Variants in TTC3 observed in about 807,000 individuals in gnomAD.
TTC3 encodes the protein tetratricopeptide repeat domain 3, also known as E3 ubiquitin-protein ligase TTC3.
A neutral mutation model predicts 249.6 loss-of-function variants in TTC3; 180 were observed. That is an observed-to-expected ratio of 0.72 (90% CI 0.64 to 0.82). The LOEUF (loss-of-function observed/expected upper bound fraction) is 0.82. Ranked by LOEUF, TTC3 falls within the 40% of genes least tolerant of loss-of-function variation. The pLI, the probability that TTC3 is intolerant of heterozygous loss-of-function variation, is 0.00. For missense variants in TTC3, 2,061 were observed against 2,398.4 expected (o/e 0.86, Z 2.94); for synonymous variants, 717 against 805.0 (o/e 0.89, Z 1.85).
rs929691928 is a variant in TTC3 at position 37,156,959 on chromosome 21, A to T, written c.2992+53A>T. The T allele has an allele frequency of 3.2e-6, 5 of 1,572,110 alleles. No individual in the cohort carries two copies. The Admixed American group carries it at 5.4e-5, about 17-fold the overall frequency. On this transcript the variant is annotated intron_variant, in intron 28 of 45. Coordinates refer to ENST00000355666, the Ensembl canonical transcript of TTC3. ...TACATTTAATCTTAAGGGGGAAAAA[A>T]TCTGTGAAGGACCTAGCTTGTTTAA...
chr21:37,088,605 C>T (rs946787030), intron 4 of TTC3, among the ~76,000 whole-genome samples, 194 bp from the exon 5 acceptor site: 1 of 152,070 alleles, frequency 6.6e-6, no homozygotes, highest in Non-Finnish European at 1.5e-5. Context: ...TTATAAGTAT[C>T]AGTGTTATAG....
At chr21:37,082,818 T>C (rs2071886824) in intron 1 of TTC3, 1 of 968,934 alleles carries the variant, frequency 1.0e-6, no homozygotes, top group Non-Finnish European at 1.2e-6. Context: ...TTTATTTTAA[T>C]ATTTAATTTT....
rs752680168 is a variant in TTC3, at chr21:37,160,793, A to T, written c.3040-9A>T. 1.2e-6 allele frequency: 2 copies of T among 1,612,290 alleles called. No homozygotes were observed. The highest frequency in any genetic ancestry group is 4.5e-5 in the East Asian group (2 of 44,672). Reference sequence around the variant, plus strand: ...TGAGTGTTCACTGATTTTTCCCCCCATTTTTTAGTTTAGTTCAACCAAGGT... The same window carrying T: ...TGAGTGTTCACTGATTTTTCCCCCCTTTTTTTAGTTTAGTTCAACCAAGGT... On this transcript the variant is annotated splice_polypyrimidine_tract_variant and intron_variant, in intron 29 of 45. Transcript: ENST00000355666.
chr21:37,127,963 A>G (rs2147899298), intron 15 of TTC3, among the ~76,000 whole-genome samples: 1 of 152,352 alleles, frequency 6.6e-6, no homozygotes, highest in East Asian at 1.9e-4. Flanking sequence ...TAATTTCTTC[A>G]TATTTCTCAG....
At chr21:37,162,061 T>C in exon 31 of TTC3, 1 of 1,538,508 alleles carries the variant, frequency 6.5e-7, no homozygotes, top group Non-Finnish European at 8.8e-7. Flanking sequence ...GTGAAGACCA[T>C]AGGTAAGTAT....
chr21:37,117,342 A>C (rs2076220754), intron 11 of TTC3, among the ~76,000 whole-genome samples: 1 of 152,286 alleles, frequency 6.6e-6, no homozygotes, highest in South Asian at 2.1e-4. Context: ...GTGTCATTGC[A>C]AATAAAAGAC....
intron 8 of TTC3, among the ~76,000 whole-genome samples, chr21:37,095,021 A>G (rs1283181327): frequency 6.6e-6 from 1 of 151,986 alleles, no homozygotes; most frequent in African/African-American, 2.4e-5. Context: ...TTGTAGTCCT[A>G]GCTACTTGGG....
intron 35 of TTC3, among the ~76,000 whole-genome samples, chr21:37,180,816 A>C (rs914923382): frequency 3.9e-5 from 6 of 151,940 alleles, no homozygotes; most frequent in Admixed American, 2.6e-4. Flanking sequence ...TTTCAGTAAG[A>C]ATGAAACAAT....
intron 34 of TTC3, among the ~76,000 whole-genome samples, chr21:37,168,389 G>A (rs940955489): frequency 2.6e-5 from 4 of 151,984 alleles, no homozygotes; most frequent in African/African-American, 9.7e-5. Flanking sequence ...AATCCAAAAT[G>A]ATCAACTGAA....
chr21:37,140,597 A>G (rs2078353331), exon 20 of TTC3: 1 of 1,603,700 alleles, frequency 6.2e-7, no homozygotes, highest in South Asian at 1.1e-5. Context: ...TAAGAGGATT[A>G]TTGAACACTA....
chr21:37,143,196 C>G (rs2078656565), intron 20 of TTC3, among the ~76,000 whole-genome samples: 1 of 152,182 alleles, frequency 6.6e-6, no homozygotes, highest in Non-Finnish European at 1.5e-5. Flanking sequence ...GTAAGGACTT[C>G]ATGTCTAAAA....
chr21:37,089,154 A>T (rs143961348), intron 5 of TTC3, among the ~76,000 whole-genome samples: 1 of 152,148 alleles, frequency 6.6e-6, no homozygotes, highest in African/African-American at 2.4e-5. Flanking sequence ...AAAGTGGGGT[A>T]TGGGTTCATG....
At chr21:37,137,843 C>A (rs1310900903) in intron 18 of TTC3, among the ~76,000 whole-genome samples, 1 of 152,126 alleles carries the variant, frequency 6.6e-6, no homozygotes, top group East Asian at 1.9e-4. Context: ...TTTTCAGGAA[C>A]TACCACCCTG....
chr21:37,099,893 T>C (rs2074309006), intron 10 of TTC3, among the ~76,000 whole-genome samples: 1 of 152,174 alleles, frequency 6.6e-6, no homozygotes, highest in Admixed American at 6.5e-5. Flanking sequence ...TGGCCATCAA[T>C]AGGGGAATGG....
At chr21:37,118,239 GCCTGAGT>G (rs1170073472) in intron 11 of TTC3, among the ~76,000 whole-genome samples, 11 of 152,078 alleles carry the variant, frequency 7.2e-5, no homozygotes, top group Non-Finnish European at 2.9e-5. Flanking sequence ...TTAATTATGA[GCCTGAGT>G]CTATGGAGTC....
exon 33 of TTC3, chr21:37,165,723 C>A: frequency 1.9e-6 from 3 of 1,613,452 alleles, no homozygotes; most frequent in Non-Finnish European, 2.5e-6. Flanking sequence ...AACTGTATTG[C>A]ACTGAAGAAG....
intron 32 of TTC3, 79 bp downstream of exon 32, chr21:37,164,294 C>A: frequency 7.6e-7 from 1 of 1,310,776 alleles, no homozygotes; most frequent in Non-Finnish European, 1.0e-6. Context: ...TTAATTTGTG[C>A]CTGTTTTTAG....
chr21:37,083,202 A>G (rs1448853278), intron 1 of TTC3: 2 of 985,320 alleles, frequency 2.0e-6, no homozygotes, highest in African/African-American at 3.5e-5. Flanking sequence ...TGGTTGCAGA[A>G]TAAGTTTTGT....
At chr21:37,195,440 GACTT>G (rs1555918672) in intron 41 of TTC3, among the ~76,000 whole-genome samples, 1 of 152,178 alleles carries the variant, frequency 6.6e-6, no homozygotes, top group Non-Finnish European at 1.5e-5. Flanking sequence ...AGAAAATAGT[GACTT>G]ATAGAGATAA....
Sources: gnomAD v4.1 joint callset for allele counts (sites outside exome capture counted in the v4.1 genomes callset) on GRCh38, gnomAD v4.1.1 for gene constraint, MANE v1.5 for transcripts, NCBI Gene and HGNC (gene_info 2026-07-23, HGNC 2026-07-21) for gene names.